Variants in RILPL1 observed in about 807,000 individuals in gnomAD.
RILPL1 encodes RILP-like protein 1.
Under a neutral mutation model 50.3 loss-of-function variants are expected in RILPL1, and 33 were observed. The ratio of observed to expected loss-of-function variants is 0.66; its 90% CI spans 0.50 to 0.88. The LOEUF (loss-of-function observed/expected upper bound fraction) is 0.88, where lower values mean the gene tolerates loss of function less well. Among genes scored for constraint, RILPL1 ranks in the 40% least tolerant of loss-of-function variants. The probability of loss-of-function intolerance (pLI) is 0.00; values close to 1 mark genes in which losing one functional copy is unlikely to be tolerated. For synonymous variants in RILPL1, 205 were observed against 228.6 expected (o/e 0.90, Z 0.93); for missense variants, 418 against 542.5 (o/e 0.77, Z 2.28).
chr12:123,472,534 A>G lies in RILPL1; in HGVS notation c.*4T>C, dbSNP rs533696214. On this transcript the variant is annotated 3_prime_UTR_variant, in exon 7 of 7. Transcript: ENST00000376874. The stretch of plus-strand genomic sequence containing the variant: ...CCAGGTTGGAGGGTGGAGATGGGCC[A>G]AGGTCACAGATGCTGCAGGGCTTCC... 1 of 1,550,902 alleles carries G rather than the reference A, an allele frequency of 6.4e-7. No individual in the cohort carries two copies. The highest frequency in any genetic ancestry group is 2.4e-5 in the East Asian group (1 of 40,926).
chr12:123,479,390 C>G (rs1018795403), intron 6 of RILPL1, among the ~76,000 whole-genome samples: 2 of 152,142 alleles, frequency 1.3e-5, no homozygotes, highest in Non-Finnish European at 2.9e-5. Context: ...AAGAGCCGCC[C>G]TGAGCAGACC....
Position 123,498,793 on chromosome 12 carries a change from G to A in RILPL1, c.580-28C>T. The A allele has an allele frequency of 6.2e-7, 1 of 1,605,266 alleles. No homozygotes were observed. Among genetic ancestry groups the A allele is most frequent in the Non-Finnish European group, 8.5e-7 (1 of 1,177,036 alleles). ...GTAGAAAAAGGGAGACCATTGTGCG[G>A]GGCTGCCACCTGCGGTAGCTCAGGT... On this transcript the variant is annotated intron_variant, in intron 3 of 6. Coordinates refer to ENST00000376874, the MANE Select transcript of RILPL1 (RefSeq NM_178314.5). This position sits in a 1 kb window ranked among gnomAD's most constrained non-coding sequence, Gnocchi z 4.3.
In RILPL1 at chr12:123,472,501, C is replaced by T. The variant is rs1181060751; in HGVS notation, c.*37G>A. The T allele has an allele frequency of 5.8e-6, 9 of 1,547,890 alleles. No homozygotes were observed. The highest frequency in any genetic ancestry group is 2.4e-5 in the East Asian group (1 of 40,874). On this transcript the variant is annotated 3_prime_UTR_variant, in exon 7 of 7. Transcript: ENST00000376874. Reference sequence around the variant, plus strand: ...GCAGTTCGGTTGCAGGCGCTGGTGGCGGGCAGTCCAGGTTGGAGGGTGGAG... The same window carrying T: ...GCAGTTCGGTTGCAGGCGCTGGTGGTGGGCAGTCCAGGTTGGAGGGTGGAG...
intron 2 of RILPL1, among the ~76,000 whole-genome samples, chr12:123,510,829 GGT>G (rs1473824481): frequency 7.8e-6 from 1 of 127,510 alleles, no homozygotes; most frequent in African/African-American, 3.0e-5. Flanking sequence ...GTCTGTGTAT[GGT>G]GTGTGTGAGG....
intron 1 of RILPL1, among the ~76,000 whole-genome samples, chr12:123,532,025 C>T (rs912909268): frequency 2.6e-5 from 4 of 152,212 alleles, no homozygotes; most frequent in African/African-American, 4.8e-5. Context: ...TGTTACCTAC[C>T]TGTGGGTCTG....
chr12:123,533,556 CCGGCCGGGCCCAGCCTGGGCCGCGGG>C lies in RILPL1; in HGVS notation c.-100_-75del. On this transcript the variant is annotated 5_prime_UTR_variant, in exon 1 of 7. Coordinates refer to ENST00000376874, the MANE Select transcript of RILPL1 (RefSeq NM_178314.5). This position sits in a 1 kb window ranked among gnomAD's most constrained non-coding sequence, Gnocchi z 6.2. ...AAACTTGCCGCTGTCGAGGGCCGGG[CCGGCCGGGCCCAGCCTGGGCCGCGGG>C]CGGGCGCGCTCAGCGGGCGCTGGGG... 1 of 1,308,820 alleles carries C rather than the reference CCGGCCGGGCCCAGCCTGGGCCGCGGG, an allele frequency of 7.6e-7. No homozygotes were observed. Among genetic ancestry groups the C allele is most frequent in the Admixed American group, 3.0e-5 (1 of 33,292 alleles). 81.1% of individuals were successfully genotyped at this position (1,308,820 alleles called of 1,614,324 possible). A position where few individuals can be genotyped will look rare whatever the true frequency, so the allele number is the denominator to read the frequency against.
chr12:123,530,829 A>G (rs1170197448), intron 1 of RILPL1, among the ~76,000 whole-genome samples: 2 of 152,212 alleles, frequency 1.3e-5, no homozygotes, highest in Non-Finnish European at 2.9e-5. Context: ...ATGGCCTGTC[A>G]TCAGAGTTGC....
At chr12:123,525,721 A>T (rs1274513441) in intron 1 of RILPL1, among the ~76,000 whole-genome samples, 1 of 150,440 alleles carries the variant, frequency 6.6e-6, no homozygotes, top group African/African-American at 2.4e-5. Context: ...AAAAAAAAAA[A>T]AAAGAAACAA....
intron 2 of RILPL1, among the ~76,000 whole-genome samples, chr12:123,507,284 C>A (rs1883806294): frequency 6.6e-6 from 1 of 152,108 alleles, no homozygotes; most frequent in Admixed American, 6.6e-5. Flanking sequence ...AGACTGAGGC[C>A]AGGCACAGTG....
rs1318788521 is a variant in RILPL1 at position 123,485,004 on chromosome 12, T to C, written c.974+629A>G. 2.3e-5 allele frequency: 9 copies of C among 386,464 alleles called. No homozygotes were observed. The East Asian group carries it at 6.6e-4, about 28-fold the overall frequency. The allele number at this position is 386,464 out of a possible 1,614,324, so 23.9% of individuals were successfully genotyped here. ...AGTATACAGTCAGTAAACCTTTCAA[T>C]AAAAATGTGTGGTATTATATTTTTT... On this transcript the variant is annotated intron_variant, in intron 5 of 6. Coordinates refer to ENST00000376874, the MANE Select transcript of RILPL1 (RefSeq NM_178314.5). The surrounding 1 kb of genome is among the most constrained non-coding windows in gnomAD (Gnocchi z 4.0).
rs1170881815 is a variant in RILPL1, at chr12:123,485,515, C to T, written c.974+118G>A. 3 of 966,988 alleles carry T rather than the reference C, an allele frequency of 3.1e-6. No homozygotes were observed. The highest frequency in any genetic ancestry group is 3.3e-5 in the African/African-American group (2 of 60,188). The allele number at this position is 966,988 out of a possible 1,614,324, so 59.9% of individuals were successfully genotyped here. ...AAGTTCTTTAGGCCAGAGAGGGTAC[C>T]CAAAAAAAACACTGATGAAATGCTT... On this transcript the variant is annotated intron_variant, in intron 5 of 6. Transcript: ENST00000376874. This position sits in a 1 kb window ranked among gnomAD's most constrained non-coding sequence, Gnocchi z 4.0.
intron 2 of RILPL1, among the ~76,000 whole-genome samples, chr12:123,503,905 GCAGGAGAATGGCGTGAACC>G (rs1403860537): frequency 6.6e-6 from 1 of 151,818 alleles, no homozygotes. Flanking sequence ...GGAGGCTGAG[GCAGGAGAATGGCGTGAACC>G]CAGGAGGCGG....
rs902736700 is a variant in RILPL1 at position 123,509,895 on chromosome 12, G to A, written c.461-10359C>T. On this transcript the variant is annotated intron_variant, in intron 2 of 6. Transcript: ENST00000376874. ...AGATAAGAAACACTAGCTGGCCAAGGGCCCTACTGGTACAATTCATCTCCG... is the reference window on the plus strand; with the variant it reads ...AGATAAGAAACACTAGCTGGCCAAGAGCCCTACTGGTACAATTCATCTCCG... Among the ~76,000 whole-genome samples, 51 of 152,296 alleles carry A rather than the reference G, an allele frequency of 3.3e-4. 1 individual carries two copies. Among genetic ancestry groups the A allele is most frequent in the Admixed American group, 2.7e-3 (41 of 15,286 alleles).
At chr12:123,524,710 C>T (rs1885188382) in intron 1 of RILPL1, among the ~76,000 whole-genome samples, 1 of 152,162 alleles carries the variant, frequency 6.6e-6, no homozygotes, top group African/African-American at 2.4e-5. Context: ...TACAAAATGT[C>T]TAATATTGGC....
In RILPL1 at chr12:123,498,886, G is replaced by A. The variant is rs1883196387; in HGVS notation, c.580-121C>T. On this transcript the variant is annotated intron_variant, in intron 3 of 6. Coordinates refer to ENST00000376874, the MANE Select transcript of RILPL1 (RefSeq NM_178314.5). This position sits in a 1 kb window ranked among gnomAD's most constrained non-coding sequence, Gnocchi z 4.3. The stretch of plus-strand genomic sequence containing the variant: ...ACATTGCAGACATCTTTGTTTGAAA[G>A]TTGTTCGTATTCTTATAGCTGATGA... 1 of 904,652 alleles carries A rather than the reference G, an allele frequency of 1.1e-6. No individual in the cohort carries two copies. 56.0% of individuals were successfully genotyped at this position (904,652 alleles called of 1,614,324 possible).
At chr12:123,511,815 CTG>C (rs148364915) in intron 2 of RILPL1, among the ~76,000 whole-genome samples, 3,319 of 75,412 alleles carry the variant, frequency 0.044, 534 homozygotes, top group African/African-American at 0.19. Flanking sequence ...TGTGTGAGGT[CTG>C]TGTGTGTGTG....
intron 2 of RILPL1, chr12:123,513,922 GCTA>G (rs1884538900): frequency 6.6e-6 from 1 of 152,164 alleles, no homozygotes. Context: ...CTGGCAGTGA[GCTA>G]CTGTCCACCA....
intron 2 of RILPL1, chr12:123,519,393 G>C (rs1275433591): frequency 6.6e-6 from 1 of 152,214 alleles, no homozygotes; most frequent in Non-Finnish European, 1.5e-5. Flanking sequence ...AAACAGCCGG[G>C]AGCAAAGTGC....
At chr12:123,477,390 G>A (rs977887291) in intron 6 of RILPL1, among the ~76,000 whole-genome samples, 1 of 143,968 alleles carries the variant, frequency 6.9e-6, no homozygotes, top group Non-Finnish European at 1.5e-5. Context: ...CCAGGCTGCA[G>A]TGTAGTGGCA....
Sources: allele counts gnomAD v4.1 joint callset (sites outside exome capture counted in the v4.1 genomes callset), GRCh38; gene constraint gnomAD v4.1.1; non-coding constraint Gnocchi (gnomAD v3.1); transcripts MANE v1.5; gene names NCBI Gene and HGNC (gene_info 2026-07-23, HGNC 2026-07-21).